Variants in TBC1D19 observed in about 807,000 individuals in gnomAD.
TBC1D19 encodes TBC1 domain family, member 19.
In TBC1D19, 60 loss-of-function variants were observed where a neutral mutation model predicts 89.0. The observed-to-expected ratio is 0.67, with a 90% confidence interval of 0.55 to 0.84. The LOEUF (loss-of-function observed/expected upper bound fraction) is 0.84. TBC1D19 is among the 40% of genes least tolerant of loss of function. The probability of loss-of-function intolerance (pLI) is 0.00; values close to 1 mark genes in which losing one functional copy is unlikely to be tolerated. For missense variants in TBC1D19, 500 were observed against 610.8 expected (o/e 0.82, Z 1.91); for synonymous variants, 189 against 199.7 (o/e 0.95, Z 0.45).
chr4:26,776,043 G>A, the TBC1D19 span, among the ~76,000 whole-genome samples: 5 of 152,000 alleles, frequency 3.3e-5, no homozygotes, highest in Non-Finnish European at 5.9e-5. Context: ...CTTGCCATCA[G>A]GTATGACAAG....
At chr4:26,717,797 A>G (rs1716725792) in intron 13 of TBC1D19, 136 bp from the exon 14 acceptor site, 7 of 602,962 alleles carry the variant, frequency 1.2e-5, no homozygotes, top group South Asian at 7.6e-5. Flanking sequence ...TACCAAAGGT[A>G]TACCGATAAA....
intron 1 of TBC1D19, among the ~76,000 whole-genome samples, chr4:26,590,424 G>A (rs545612760): frequency 6.6e-6 from 1 of 152,210 alleles, no homozygotes; most frequent in East Asian, 1.9e-4. Context: ...AACCATCTTT[G>A]TCACGTTTTA....
chr4:26,834,804 G>A, the TBC1D19 span, among the ~76,000 whole-genome samples: 13 of 152,000 alleles, frequency 8.6e-5, no homozygotes, highest in Non-Finnish European at 1.6e-4. Flanking sequence ...CCCCATCTAC[G>A]TTCATGTTTT....
the TBC1D19 span, among the ~76,000 whole-genome samples, chr4:26,793,592 G>A: frequency 3.9e-5 from 6 of 151,960 alleles, no homozygotes; most frequent in African/African-American, 1.5e-4. Context: ...GCATGGTGAC[G>A]AGTGCCTGTA....
chr4:26,680,110 G>C (rs529811153), intron 11 of TBC1D19, among the ~76,000 whole-genome samples: 12 of 152,228 alleles, frequency 7.9e-5, no homozygotes, highest in Non-Finnish European at 1.6e-4. Flanking sequence ...CTGTGGCCCT[G>C]TGAAGAGGTG....
chr4:26,609,117 G>A (rs1262671278), intron 1 of TBC1D19, among the ~76,000 whole-genome samples: 2 of 149,488 alleles, frequency 1.3e-5, no homozygotes, highest in African/African-American at 4.9e-5. Context: ...TAAATGATGA[G>A]TTAATGGGTG....
chr4:26,824,667 TTTTC>T, the TBC1D19 span, among the ~76,000 whole-genome samples: 4 of 152,126 alleles, frequency 2.6e-5, no homozygotes, highest in East Asian at 1.9e-4. Context: ...AGTGGGGTCA[TTTTC>T]TTTCTTTCTT....
At chr4:26,624,187 C>G (rs561397181) in intron 4 of TBC1D19, among the ~76,000 whole-genome samples, 1 of 152,130 alleles carries the variant, frequency 6.6e-6, no homozygotes, top group East Asian at 1.9e-4. Context: ...CCTGGAAAGC[C>G]CTTTCTGCCT....
At chr4:26,631,652 A>G (rs1742813927) in intron 4 of TBC1D19, among the ~76,000 whole-genome samples, 1 of 152,080 alleles carries the variant, frequency 6.6e-6, no homozygotes. Flanking sequence ...TGTAGCTCAG[A>G]AAAAAATGGT....
chr4:26,811,342 A>G, the TBC1D19 span, among the ~76,000 whole-genome samples: 1 of 152,152 alleles, frequency 6.6e-6, no homozygotes, highest in African/African-American at 2.4e-5. Flanking sequence ...ACATCACACA[A>G]TGGGGCCTGT....
the TBC1D19 span, among the ~76,000 whole-genome samples, chr4:26,779,336 G>A: frequency 6.6e-6 from 1 of 152,204 alleles, no homozygotes; most frequent in Non-Finnish European, 1.5e-5. Flanking sequence ...AAGGGGTGGA[G>A]GTGCTGCAGG....
chr4:26,803,640 G>A, the TBC1D19 span, among the ~76,000 whole-genome samples: 7 of 152,156 alleles, frequency 4.6e-5, no homozygotes, highest in Non-Finnish European at 8.8e-5. Flanking sequence ...CCCTGAGGTC[G>A]CGCTGCCAGT....
the TBC1D19 span, among the ~76,000 whole-genome samples, chr4:26,804,919 G>A: frequency 1.3e-4 from 20 of 152,332 alleles, no homozygotes; most frequent in Non-Finnish European, 2.6e-4. Context: ...CCGAGACTCA[G>A]GAGCAAGCGG....
intron 7 of TBC1D19, among the ~76,000 whole-genome samples, chr4:26,651,206 T>C (rs989647012): frequency 2.0e-5 from 3 of 152,246 alleles, no homozygotes; most frequent in Non-Finnish European, 4.4e-5. Flanking sequence ...CGGGCTCTTT[T>C]TTGGTTCCAT....
chr4:26,816,049 C>T, the TBC1D19 span, among the ~76,000 whole-genome samples: 1 of 152,132 alleles, frequency 6.6e-6, no homozygotes, highest in Non-Finnish European at 1.5e-5. Flanking sequence ...TTCTAAGGGC[C>T]AGGGAGCAAC....
At chr4:26,688,459 C>G (rs751145050) in intron 13 of TBC1D19, 52 bp downstream of exon 13, 2 of 1,454,086 alleles carry the variant, frequency 1.4e-6, no homozygotes, top group Non-Finnish European at 1.8e-6. Context: ...TTCTCTATAT[C>G]ATGATACTTT....
Position 26,742,555 on chromosome 4 carries a change from T to C in TBC1D19, c.1275T>C (p.Tyr425=), listed in dbSNP as rs1225490655. ...TGTTTGAAACTCTTCTTCAAACTTA[T>C]CTTCCCCAACTCTTTTATCATCTAC... ...CLLFETLLQT[Y]LPQLFYHLRE... Residue 425 remains tyrosine (Y), a synonymous_variant, in exon 18 of 21, where the codon TAT becomes TAC. Coordinates refer to ENST00000264866, the MANE Select transcript of TBC1D19 (RefSeq NM_018317.4). The C allele has an allele frequency of 2.5e-6, 4 of 1,612,442 alleles. No homozygotes were observed. The highest frequency in any genetic ancestry group is 4.5e-5 in the East Asian group (2 of 44,760).
intron 7 of TBC1D19, among the ~76,000 whole-genome samples, chr4:26,644,373 G>A (rs1204655629): frequency 1.6e-4 from 24 of 151,982 alleles, no homozygotes; most frequent in Non-Finnish European, 3.4e-4. Flanking sequence ...AAATTCAACA[G>A]CCTACATGCT....
the TBC1D19 span, among the ~76,000 whole-genome samples, chr4:26,802,899 G>T: frequency 9.9e-5 from 15 of 152,182 alleles, no homozygotes; most frequent in Admixed American, 9.8e-4. Context: ...TTAGGTTCTG[G>T]CGAGGCCTCT....
Sources: gnomAD v4.1 joint callset for allele counts (sites outside exome capture counted in the v4.1 genomes callset) on GRCh38, gnomAD v4.1.1 for gene constraint, MANE v1.5 for transcripts, NCBI Gene and HGNC (gene_info 2026-07-23, HGNC 2026-07-21) for gene names.